Variants in PCDH11X observed in about 807,000 individuals in gnomAD.
PCDH11X encodes protocadherin-11 X-linked.
Under a neutral mutation model 53.3 loss-of-function variants are expected in PCDH11X, and 18 were observed. The ratio of observed to expected loss-of-function variants is 0.34; its 90% CI spans 0.23 to 0.50. PCDH11X has a LOEUF of 0.50. Among genes scored for constraint, PCDH11X ranks in the 20% least tolerant of loss-of-function variants. The pLI is 0.98. For synonymous variants in PCDH11X, 279 were observed against 393.3 expected, an observed-to-expected ratio of 0.71 and a Z score of 3.44; for missense variants, 570 against 1,032.4, an observed-to-expected ratio of 0.55 and a Z score of 6.14.
chrX:92,217,337 A>C (rs2066742751), intron 7 of PCDH11X, among the ~76,000 whole-genome samples: 1 of 107,789 alleles, frequency 9.3e-6, no homozygotes, highest in Admixed American at 1.0e-4. Flanking sequence ...ACATAGGCTC[A>C]AAATAAAAGG....
In PCDH11X at chrX:92,314,580, T is replaced by C. The variant is rs753029066; in HGVS notation, c.3144+51437T>C. Reference sequence around the variant, plus strand: ...TGTATATGCTATGCTTTTATATGACTGGCAGTGCAATAGGTTTGTTGACAC... The same window carrying C: ...TGTATATGCTATGCTTTTATATGACCGGCAGTGCAATAGGTTTGTTGACAC... On this transcript the variant is annotated intron_variant, in intron 8 of 10. Coordinates refer to ENST00000682573, the MANE Select transcript of PCDH11X (RefSeq NM_032968.5). 5.0e-4 allele frequency among the ~76,000 whole-genome samples: 56 copies of C among 111,808 alleles called. 1 individual carries two copies. The highest frequency in any genetic ancestry group is 1.7e-3 in the African/African-American group (51 of 30,811).
intron 6 of PCDH11X, among the ~76,000 whole-genome samples, chrX:92,096,498 T>C (rs2064139054): frequency 9.2e-6 from 1 of 108,904 alleles, no homozygotes; most frequent in Non-Finnish European, 1.9e-5. Flanking sequence ...TATATGAATA[T>C]ATACACATAT....
intron 6 of PCDH11X, among the ~76,000 whole-genome samples, chrX:92,092,565 A>G (rs1326243226): frequency 9.0e-6 from 1 of 111,304 alleles, no homozygotes; most frequent in Non-Finnish European, 1.9e-5. Context: ...AGACAACTCG[A>G]AGCAAAAGCA....
chrX:92,336,514 AC>A (rs1452957251), intron 8 of PCDH11X, among the ~76,000 whole-genome samples: 2 of 111,892 alleles, frequency 1.8e-5, no homozygotes, highest in Non-Finnish European at 3.8e-5. Context: ...AAATTTCAAA[AC>A]CCAAATCTGA....
At chrX:92,092,252 A>G (rs1366900050) in intron 6 of PCDH11X, among the ~76,000 whole-genome samples, 1 of 111,480 alleles carries the variant, frequency 9.0e-6, no homozygotes, top group Non-Finnish European at 1.9e-5. Context: ...AAGGAACTGC[A>G]ATTTATATCT....
chrX:91,994,134 G>A lies in PCDH11X; in HGVS notation c.3033+114861G>A, dbSNP rs747122229. 5.0e-3 allele frequency among the ~76,000 whole-genome samples: 468 copies of A among 94,170 alleles called. 5 individuals carry two copies. The highest frequency in any genetic ancestry group is 0.018 in the African/African-American group (449 of 25,307). 81.8% of individuals were successfully genotyped at this position (94,170 alleles called of 115,157 possible). A position where few individuals can be genotyped will look rare whatever the true frequency, so the allele number is the denominator to read the frequency against. ...TTATGTTTTGATACACATATACATT[G>A]TGAAATGATTACCACAGTAAAACTA... On this transcript the variant is annotated intron_variant, in intron 6 of 10. Coordinates refer to ENST00000682573, the MANE Select transcript of PCDH11X (RefSeq NM_032968.5).
At chrX:91,833,342 G>A (rs1051320950) in intron 4 of PCDH11X, among the ~76,000 whole-genome samples, 5 of 110,098 alleles carry the variant, frequency 4.5e-5, no homozygotes, top group Non-Finnish European at 9.5e-5. Context: ...TATCAATGGG[G>A]TATTTTTAAT....
intron 6 of PCDH11X, among the ~76,000 whole-genome samples, chrX:92,136,648 G>C (rs1291438322): frequency 9.7e-6 from 1 of 102,996 alleles, no homozygotes; most frequent in East Asian, 3.1e-4. Flanking sequence ...ACATGATGGG[G>C]CCCCATGAAG....
chrX:92,530,204 A>G (rs1291006837), intron 10 of PCDH11X, among the ~76,000 whole-genome samples: 1 of 106,767 alleles, frequency 9.4e-6, no homozygotes, highest in Non-Finnish European at 1.9e-5. Context: ...TAACCCTTCT[A>G]ATTAGGCTTC....
intron 10 of PCDH11X, chrX:92,569,662 T>C (rs762651387): frequency 5.6e-6 from 1 of 177,364 alleles, no homozygotes; most frequent in South Asian, 7.1e-5. Context: ...TTTTTAATGG[T>C]ATATTCCACT....
At chrX:92,106,413 C>T (rs767977960) in intron 6 of PCDH11X, among the ~76,000 whole-genome samples, 22 of 111,423 alleles carry the variant, frequency 2.0e-4, no homozygotes, top group African/African-American at 6.5e-4. Context: ...TCTGTATGTT[C>T]TTGCCATCTT....
At chrX:92,467,958 G>A (rs71234798) in intron 9 of PCDH11X, among the ~76,000 whole-genome samples, 1 of 111,121 alleles carries the variant, frequency 9.0e-6, no homozygotes, top group Non-Finnish European at 1.9e-5. Flanking sequence ...GTAGAGGACT[G>A]TACTTAGCCA....
chrX:92,216,014 C>T (rs201358054), intron 7 of PCDH11X, among the ~76,000 whole-genome samples: 55 of 99,453 alleles, frequency 5.5e-4, no homozygotes, highest in Admixed American at 7.6e-4. Context: ...AGAAGGAAAA[C>T]TAACAAACAG....
chrX:92,232,483 G>T (rs1392491308), intron 7 of PCDH11X, among the ~76,000 whole-genome samples: 1 of 111,516 alleles, frequency 9.0e-6, no homozygotes, highest in Non-Finnish European at 1.9e-5. Flanking sequence ...TCTAAAGTTT[G>T]CTAGAAATAT....
intron 6 of PCDH11X, among the ~76,000 whole-genome samples, chrX:92,003,675 G>A (rs1321443364): frequency 1.0e-5 from 1 of 99,161 alleles, no homozygotes; most frequent in Non-Finnish European, 2.0e-5. Flanking sequence ...CAAATTATTA[G>A]CTTAGAGTTG....
intron 6 of PCDH11X, among the ~76,000 whole-genome samples, chrX:91,962,307 C>T (rs1355600990): frequency 8.9e-6 from 1 of 112,390 alleles, no homozygotes; most frequent in African/African-American, 3.2e-5. Context: ...GTAAATACAT[C>T]CATTCCAAAT....
intron 9 of PCDH11X, among the ~76,000 whole-genome samples, chrX:92,411,387 C>T (rs1322962287): frequency 3.6e-5 from 4 of 110,876 alleles, no homozygotes; most frequent in African/African-American, 6.6e-5. Context: ...ATTTAAGCCC[C>T]GCACGCATTA....
At chrX:92,088,749 G>T (rs1602876286) in intron 6 of PCDH11X, among the ~76,000 whole-genome samples, 3 of 111,685 alleles carry the variant, frequency 2.7e-5, no homozygotes, top group South Asian at 3.7e-4. Context: ...ATTTCTCCAA[G>T]AATTGGTCTT....
At chrX:91,897,473 CT>C (rs1269416549) in intron 6 of PCDH11X, among the ~76,000 whole-genome samples, 29 of 94,213 alleles carry the variant, frequency 3.1e-4, no homozygotes, top group African/African-American at 1.1e-3. Context: ...CCTGATTAGA[CT>C]TTTTGGTAAT....
Sources: allele counts gnomAD v4.1 joint callset (sites outside exome capture counted in the v4.1 genomes callset), GRCh38; gene constraint gnomAD v4.1.1; transcripts MANE v1.5; gene names NCBI Gene and HGNC (gene_info 2026-07-23, HGNC 2026-07-21).